The following MYO9B variants were observed in gnomAD, a reference collection of about 807,000 sequenced individuals.
MYO9B encodes the protein myosin IXB.
Under a neutral mutation model 229.5 loss-of-function variants are expected in MYO9B, and 71 were observed. That is an observed-to-expected ratio of 0.31 (90% CI 0.26 to 0.38). MYO9B has a LOEUF of 0.38. Among genes scored for constraint, MYO9B ranks in the 10% least tolerant of loss-of-function variants. MYO9B has a pLI of 1.00. For synonymous variants in MYO9B, 1,185 were observed against 1,235.8 expected, an observed-to-expected ratio of 0.96 and a Z score of 0.86; for missense variants, 2,255 against 2,920.5, an observed-to-expected ratio of 0.77 and a Z score of 5.25.
chr19:17,203,310 C>G, intron 30 of MYO9B, 52 bp downstream of exon 30: 1 of 1,398,430 alleles, frequency 7.2e-7, no homozygotes, highest in African/African-American at 1.4e-5. Flanking sequence ...CCCACCACCC[C>G]TCACTGCTCA....
chr19:17,147,982 A>T (rs1175342915), intron 3 of MYO9B, among the ~76,000 whole-genome samples: 1 of 151,912 alleles, frequency 6.6e-6, no homozygotes, highest in East Asian at 1.9e-4. Flanking sequence ...GCGCCTGGCC[A>T]TTTAATTTTT....
At chr19:17,190,409 G>A (rs977183505) in intron 19 of MYO9B, among the ~76,000 whole-genome samples, 1 of 148,276 alleles carries the variant, frequency 6.7e-6, no homozygotes, top group African/African-American at 2.5e-5. Context: ...GGTCTCATTG[G>A]TTGAGCTCAG....
intron 2 of MYO9B, among the ~76,000 whole-genome samples, chr19:17,127,953 C>T (rs1003805517): frequency 9.8e-5 from 15 of 152,326 alleles, no homozygotes; most frequent in African/African-American, 3.4e-4. Context: ...CCTTACCTTA[C>T]AGGAGAGAAA....
chr19:17,204,267 A>G (rs1271899794), intron 30 of MYO9B, among the ~76,000 whole-genome samples: 1 of 151,662 alleles, frequency 6.6e-6, no homozygotes, highest in Non-Finnish European at 1.5e-5. Context: ...CCTGGGATTC[A>G]GTGTGGTTGG....
chr19:17,197,992 A>G, intron 23 of MYO9B, 134 bp downstream of exon 23: 1 of 1,356,936 alleles, frequency 7.4e-7, no homozygotes, highest in East Asian at 2.4e-5. Flanking sequence ...GGCAGGGTAG[A>G]GGTTGTAGTG....
chr19:17,089,726 T>A (rs1568654397), intron 1 of MYO9B, among the ~76,000 whole-genome samples: 1 of 152,124 alleles, frequency 6.6e-6, no homozygotes, highest in Non-Finnish European at 1.5e-5. Flanking sequence ...ACTGGCCTGG[T>A]TTTACATAGC....
In MYO9B at chr19:17,194,557, T is replaced by A; in HGVS notation, c.3130T>A (p.Phe1044Ile). 6.2e-7 allele frequency: 1 copy of A among 1,612,312 alleles called. No individual in the cohort carries two copies. Among genetic ancestry groups the A allele is most frequent in the Non-Finnish European group, 8.5e-7 (1 of 1,179,710 alleles). ...CTGTCTGCTTTTTCCTCACTCCAGC[T>A]TCAGCCAGATGATCTCGGAGAAGCA... Reference protein sequence around the residue: ...LCRGHLQRKSFSQMISEKQKA... With the variant: ...LCRGHLQRKSISQMISEKQKA... Residue 1044 changes from phenylalanine (F) to isoleucine (I), a missense_variant and splice_region_variant, in exon 22 of 40, where the codon TTC becomes ATC. Physicochemically the swap from Phe to Ile is conservative, Grantham distance 21 (BLOSUM62 0). Transcript: ENST00000682292.
chr19:17,193,146 C>A lies in MYO9B; in HGVS notation c.3128+84C>A. ...CAAATTGCTGCCCGTGATATACCATCTGGCCTGTGGCACTAAGGGGATGTC... is the reference window on the plus strand; with the variant it reads ...CAAATTGCTGCCCGTGATATACCATATGGCCTGTGGCACTAAGGGGATGTC... On this transcript the variant is annotated intron_variant, in intron 21 of 39. Coordinates refer to ENST00000682292, the MANE Select transcript of MYO9B (RefSeq NM_004145.4). This position sits in a 1 kb window ranked among gnomAD's most constrained non-coding sequence, Gnocchi z 4.3. The A allele has an allele frequency of 7.3e-7, 1 of 1,361,830 alleles. No individual in the cohort carries two copies. Among genetic ancestry groups the A allele is most frequent in the Non-Finnish European group, 9.6e-7 (1 of 1,038,968 alleles). The allele number at this position is 1,361,830 out of a possible 1,614,324, so 84.4% of individuals were successfully genotyped here. A position where few individuals can be genotyped will look rare whatever the true frequency, so the allele number is the denominator to read the frequency against.
At chr19:17,138,289 C>G (rs1174635506) in intron 2 of MYO9B, among the ~76,000 whole-genome samples, 1 of 152,118 alleles carries the variant, frequency 6.6e-6, no homozygotes, top group Non-Finnish European at 1.5e-5. Flanking sequence ...TTTTCTTAAT[C>G]CAGTCTATCA....
chr19:17,124,064 T>C (rs763131477), intron 2 of MYO9B, among the ~76,000 whole-genome samples: 14 of 152,028 alleles, frequency 9.2e-5, no homozygotes, highest in South Asian at 4.1e-4. Context: ...AATTTTTGTA[T>C]TGTTTGTAGA....
At chr19:17,205,087 G>A (rs1249022380) in intron 30 of MYO9B, among the ~76,000 whole-genome samples, 176 bp from the exon 31 acceptor site, 1 of 151,738 alleles carries the variant, frequency 6.6e-6, no homozygotes, top group Non-Finnish European at 1.5e-5. Flanking sequence ...GGAGGCGGAG[G>A]TTGCAGTGAG....
intron 1 of MYO9B, among the ~76,000 whole-genome samples, chr19:17,093,386 T>C (rs2057657035): frequency 1.3e-5 from 2 of 152,100 alleles, no homozygotes; most frequent in African/African-American, 4.8e-5. Context: ...CTGTATTCCT[T>C]ACCTGGATTA....
rs2057742338 is a variant in MYO9B at position 17,101,304 on chromosome 19, A to G, written c.-58-356A>G. 6.6e-6 allele frequency among the ~76,000 whole-genome samples: 1 copy of G among 151,760 alleles called. No individual in the cohort carries two copies. Among genetic ancestry groups the G allele is most frequent in the East Asian group, 2.0e-4 (1 of 5,128 alleles). On this transcript the variant is annotated intron_variant, in intron 1 of 39. Transcript: ENST00000682292. The surrounding 1 kb of genome is among the most constrained non-coding windows in gnomAD (Gnocchi z 4.7). Reference sequence around the variant, plus strand: ...GTGATCCTCCCATCTCAGCCTCCTGAGGAGCTGGGACCACAGGCGAGCACC... The same window carrying G: ...GTGATCCTCCCATCTCAGCCTCCTGGGGAGCTGGGACCACAGGCGAGCACC...
chr19:17,145,201 G>A (rs911959045), intron 2 of MYO9B, among the ~76,000 whole-genome samples, 196 bp from the exon 3 acceptor site: 4 of 151,996 alleles, frequency 2.6e-5, no homozygotes, highest in South Asian at 2.1e-4. Context: ...GCTTGAACCC[G>A]GGAGGCAGAG....
At chr19:17,185,725 G>A (rs760812030) in intron 17 of MYO9B, among the ~76,000 whole-genome samples, 196 bp from the exon 18 acceptor site, 1 of 151,920 alleles carries the variant, frequency 6.6e-6, no homozygotes, top group South Asian at 2.1e-4. Flanking sequence ...TAACTCCCTC[G>A]AGGGTTTCCA....
At position 17,170,831 on chromosome 19, in the gene MYO9B, T is replaced by TAAAAAAAA. The variant is rs548201494; in HGVS notation, c.1794-1494_1794-1487dup. The stretch of plus-strand genomic sequence containing the variant: ...AGAGCAAGACCCCAGCTCTAAAAAT[T>TAAAAAAAA]AAAAAAAAAAAAAAAAAAGTAGAGA... On this transcript the variant is annotated intron_variant, in intron 11 of 39. Transcript: ENST00000682292. Among the ~76,000 whole-genome samples, 16 of 120,860 alleles carry TAAAAAAAA rather than the reference T, an allele frequency of 1.3e-4. 1 individual carries two copies. The highest frequency in any genetic ancestry group is 5.4e-4 in the South Asian group (2 of 3,688). The allele number at this position is 120,860 out of a possible 152,430, so 79.3% of individuals were successfully genotyped here. A position where few individuals can be genotyped will look rare whatever the true frequency, so the allele number is the denominator to read the frequency against.
rs1382880267 is a variant in MYO9B at position 17,206,091 on chromosome 19, C to T, written c.5196C>T (p.Gly1732=). 1 of 1,607,834 alleles carries T rather than the reference C, an allele frequency of 6.2e-7. No individual in the cohort carries two copies. Among genetic ancestry groups the T allele is most frequent in the Non-Finnish European group, 8.5e-7 (1 of 1,175,668 alleles). ...AGATGCACGGCCTGTACACCGAGGG[C>T]CTCTACCGCAAGTCGGGTGCTGCCA... ...HVEMHGLYTE[G]LYRKSGAANR... Residue 1732 remains glycine, a synonymous_variant, in exon 32 of 40, where the codon GGC becomes GGT. Coordinates refer to ENST00000682292, the MANE Select transcript of MYO9B (RefSeq NM_004145.4).
In MYO9B at chr19:17,200,430, G is replaced by A; in HGVS notation, c.4372+4G>A. 1 of 1,569,278 alleles carries A rather than the reference G, an allele frequency of 6.4e-7. No homozygotes were observed. Among genetic ancestry groups the A allele is most frequent in the South Asian group, 1.2e-5 (1 of 86,208 alleles). ...ACCATGAAGAAGGGCCTGGAAGGTTGGTAGCCTGCAGCCTCAGGGACAGAC... is the reference window on the plus strand; with the variant it reads ...ACCATGAAGAAGGGCCTGGAAGGTTAGTAGCCTGCAGCCTCAGGGACAGAC... On this transcript the variant is annotated splice_donor_region_variant and intron_variant, in intron 25 of 39. Transcript: ENST00000682292.
Position 17,152,719 on chromosome 19 carries a change from T to G in MYO9B, c.998+13T>G. The G allele has an allele frequency of 6.2e-7, 1 of 1,607,806 alleles. No individual in the cohort carries two copies. The highest frequency in any genetic ancestry group is 8.5e-7 in the Non-Finnish European group (1 of 1,175,852). ...AGAAGGATGAGAGGTAGGAGAATGT[T>G]TTCCCAGGAATCTCTGAATGCCACG... On this transcript the variant is annotated intron_variant, in intron 4 of 39. Transcript: ENST00000682292.
Sources: allele counts gnomAD v4.1 joint callset (sites outside exome capture counted in the v4.1 genomes callset), GRCh38; gene constraint gnomAD v4.1.1; non-coding constraint Gnocchi (gnomAD v3.1); transcripts MANE v1.5; gene names NCBI Gene and HGNC (gene_info 2026-07-23, HGNC 2026-07-21).